The following NELL1 variants were observed in gnomAD, a reference collection of about 807,000 sequenced individuals.
NELL1 encodes neural EGFL like 1.
In NELL1, 76 loss-of-function variants were observed where a neutral mutation model predicts 107.4. The observed-to-expected ratio is 0.71, with a 90% CI of 0.59 to 0.86. The LOEUF is 0.86. Among genes scored for constraint, NELL1 ranks in the 40% least tolerant of loss-of-function variants. The probability of loss-of-function intolerance (pLI) is 0.00; values close to 1 mark genes in which losing one functional copy is unlikely to be tolerated. For synonymous variants in NELL1, 353 were observed against 341.2 expected (o/e 1.03, Z -0.38); for missense variants, 1,024 against 1,005.5 (o/e 1.02, Z -0.25).
intron 15 of NELL1, among the ~76,000 whole-genome samples, chr11:21,450,158 T>C (rs1356620838): frequency 6.6e-6 from 1 of 152,228 alleles, no homozygotes; most frequent in Non-Finnish European, 1.5e-5. Flanking sequence ...CATTTTATTA[T>C]TGTTCATTCA....
intron 15 of NELL1, among the ~76,000 whole-genome samples, chr11:21,395,221 T>A (rs376216735): frequency 2.0e-5 from 3 of 151,532 alleles, no homozygotes; most frequent in East Asian, 3.9e-4. Context: ...CTGCCTGGGG[T>A]GACTGACAGC....
intron 15 of NELL1, among the ~76,000 whole-genome samples, chr11:21,530,976 T>C (rs555345124): frequency 6.6e-6 from 1 of 152,242 alleles, no homozygotes; most frequent in Non-Finnish European, 1.5e-5. Flanking sequence ...CCTAGCAAGG[T>C]AAACCTGCAT....
intron 13 of NELL1, among the ~76,000 whole-genome samples, chr11:21,137,274 C>G (rs1855764096): frequency 2.0e-5 from 3 of 152,118 alleles, no homozygotes; most frequent in Admixed American, 1.3e-4. Context: ...AGGAGAACCC[C>G]ATGTAGAGAC....
intron 5 of NELL1, among the ~76,000 whole-genome samples, chr11:20,915,224 C>G (rs1850219982): frequency 6.6e-6 from 1 of 151,832 alleles, no homozygotes; most frequent in Non-Finnish European, 1.5e-5. Flanking sequence ...TAATTTTAAC[C>G]ATTGTGAACT....
chr11:21,174,567 G>A (rs746316317), intron 13 of NELL1, among the ~76,000 whole-genome samples: 1 of 151,732 alleles, frequency 6.6e-6, no homozygotes, highest in Non-Finnish European at 1.5e-5. Flanking sequence ...CAGACAATGA[G>A]GATGGTGGAA....
chr11:21,229,479 G>A, intron 14 of NELL1, 25 bp downstream of exon 14: 3 of 1,612,660 alleles, frequency 1.9e-6, no homozygotes, highest in Non-Finnish European at 2.5e-6. Context: ...TTAGTGTTGA[G>A]TTGTGAGCAG....
At chr11:21,170,238 G>C (rs1157048955) in intron 13 of NELL1, 3 of 422,586 alleles carry the variant, frequency 7.1e-6, no homozygotes, top group Non-Finnish European at 1.3e-5. Context: ...TTGTCCTCTT[G>C]GTTCATAACT....
intron 13 of NELL1, among the ~76,000 whole-genome samples, chr11:21,172,000 A>G (rs962965847): frequency 6.6e-6 from 1 of 151,872 alleles, no homozygotes. Flanking sequence ...TTTGAACCTG[A>G]TGAAATGTAC....
intron 4 of NELL1, among the ~76,000 whole-genome samples, chr11:20,859,066 G>A (rs1385988438): frequency 6.6e-6 from 1 of 152,190 alleles, no homozygotes; most frequent in Non-Finnish European, 1.5e-5. Flanking sequence ...TTCGGCTGTA[G>A]GTTGACATGC....
At chr11:21,273,617 T>G (rs1002869320) in intron 14 of NELL1, among the ~76,000 whole-genome samples, 6 of 151,982 alleles carry the variant, frequency 3.9e-5, no homozygotes, top group Non-Finnish European at 7.4e-5. Flanking sequence ...TCACCAAAGT[T>G]GAAATGAAGG....
At chr11:21,052,365 C>A (rs1853513662) in intron 12 of NELL1, among the ~76,000 whole-genome samples, 2 of 151,898 alleles carry the variant, frequency 1.3e-5, no homozygotes, top group South Asian at 4.2e-4. Context: ...ATCAGTGTGG[C>A]AAGCGGGGAG....
intron 15 of NELL1, among the ~76,000 whole-genome samples, chr11:21,529,094 C>T (rs1306350681): frequency 6.6e-6 from 1 of 152,026 alleles, no homozygotes; most frequent in Non-Finnish European, 1.5e-5. Flanking sequence ...ATTTCTTACT[C>T]ACCTAAATAG....
chr11:21,059,006 A>G (rs1351004504), intron 12 of NELL1, among the ~76,000 whole-genome samples: 2 of 152,102 alleles, frequency 1.3e-5, no homozygotes, highest in African/African-American at 4.8e-5. Context: ...GCCAATCATC[A>G]TTTTTTTCTG....
intron 14 of NELL1, among the ~76,000 whole-genome samples, chr11:21,232,157 A>ATATATATATATATATATATATAT (rs1284072980): frequency 2.0e-5 from 1 of 51,040 alleles, no homozygotes; most frequent in African/African-American, 8.2e-5. Context: ...TAAAAAAAAA[A>ATATATATATATATATATATATAT]AAATATATAT....
intron 15 of NELL1, among the ~76,000 whole-genome samples, chr11:21,523,740 G>A (rs1855783430): frequency 6.6e-6 from 1 of 151,832 alleles, no homozygotes; most frequent in African/African-American, 2.4e-5. Context: ...GCTCCTCATG[G>A]GTTTTCTTCC....
intron 13 of NELL1, among the ~76,000 whole-genome samples, chr11:21,192,189 G>A (rs187953632): frequency 6.6e-6 from 1 of 151,938 alleles, no homozygotes; most frequent in Admixed American, 6.5e-5. Context: ...ATGTCTGAAT[G>A]TAAGCACAAT....
rs539665043 is a variant in NELL1, at chr11:21,474,566, G to A, written c.1646-59808G>A. Among the ~76,000 whole-genome samples the A allele has an allele frequency of 3.9e-5, 6 of 152,174 alleles. No homozygotes were observed. In the East Asian group the frequency reaches 9.6e-4, roughly 24 times the overall value. On this transcript the variant is annotated intron_variant, in intron 15 of 19. Transcript: ENST00000357134. ...TATTCAAGAGAGGTTGAAAATTTATGCAAGGTTGCCAGTCTAATAACTGAA... is the reference window on the plus strand; with the variant it reads ...TATTCAAGAGAGGTTGAAAATTTATACAAGGTTGCCAGTCTAATAACTGAA...
At chr11:21,104,997 A>G (rs1175080192) in intron 12 of NELL1, among the ~76,000 whole-genome samples, 2 of 152,150 alleles carry the variant, frequency 1.3e-5, no homozygotes, top group African/African-American at 4.8e-5. Context: ...AATCCTAATT[A>G]TCTCCTAAGG....
chr11:20,877,008 G>A (rs749225123), intron 4 of NELL1, among the ~76,000 whole-genome samples: 11 of 152,184 alleles, frequency 7.2e-5, no homozygotes, highest in Non-Finnish European at 1.6e-4. Flanking sequence ...GAGGCTAAGA[G>A]GGGAAAGGGT....
Sources: gnomAD v4.1 joint callset for allele counts (sites outside exome capture counted in the v4.1 genomes callset) on GRCh38, gnomAD v4.1.1 for gene constraint, MANE v1.5 for transcripts, NCBI Gene and HGNC (gene_info 2026-07-23, HGNC 2026-07-21) for gene names.